PLXDC2: variants seen among roughly 807,000 people sequenced by gnomAD.
PLXDC2 encodes plexin domain-containing protein 2.
A neutral mutation model predicts 68.9 loss-of-function variants in PLXDC2; 40 were observed. That is an observed-to-expected ratio of 0.58 (90% CI 0.45 to 0.76). The LOEUF is 0.76. Among genes scored for constraint, PLXDC2 ranks in the 30% least tolerant of loss-of-function variants. The pLI, the probability that PLXDC2 is intolerant of heterozygous loss-of-function variation, is 0.00. For missense variants in PLXDC2, 644 were observed against 661.9 expected (o/e 0.97, Z 0.30); for synonymous variants, 243 against 234.2 (o/e 1.04, Z -0.34).
At chr10:19,952,034 A>G (rs889070522) in intron 1 of PLXDC2, among the ~76,000 whole-genome samples, 2 of 152,144 alleles carry the variant, frequency 1.3e-5, no homozygotes, top group African/African-American at 2.4e-5. Flanking sequence ...GTGACAAACT[A>G]CTGGGTACTA....
intron 4 of PLXDC2, among the ~76,000 whole-genome samples, chr10:20,139,390 A>G (rs905699616): frequency 6.6e-6 from 1 of 152,248 alleles, no homozygotes; most frequent in African/African-American, 2.4e-5. Context: ...CTTTTCTGCA[A>G]AGGCAGATGA....
chr10:19,826,712 G>A (rs1836577956), intron 1 of PLXDC2, among the ~76,000 whole-genome samples: 1 of 152,000 alleles, frequency 6.6e-6, no homozygotes, highest in African/African-American at 2.4e-5. Flanking sequence ...TTCATAACTT[G>A]GCTTTAAAGT....
chr10:20,073,292 AATCT>A (rs1836368435), intron 4 of PLXDC2, among the ~76,000 whole-genome samples: 1 of 152,176 alleles, frequency 6.6e-6, no homozygotes, highest in East Asian at 1.9e-4. Context: ...ATTTCCTTGA[AATCT>A]ATCTCTCTCC....
intron 1 of PLXDC2, among the ~76,000 whole-genome samples, chr10:19,957,864 G>A (rs1001232119): frequency 1.3e-5 from 2 of 152,094 alleles, no homozygotes; most frequent in Non-Finnish European, 2.9e-5. Context: ...TGCAATGAAA[G>A]TTACTGGGAC....
chr10:20,099,291 C>A (rs985504372), intron 4 of PLXDC2, among the ~76,000 whole-genome samples: 3 of 152,068 alleles, frequency 2.0e-5, no homozygotes, highest in African/African-American at 7.2e-5. Flanking sequence ...TATATTCTTC[C>A]AGCCATACAA....
intron 4 of PLXDC2, among the ~76,000 whole-genome samples, chr10:20,124,546 G>A (rs140973996): frequency 6.6e-6 from 1 of 152,178 alleles, no homozygotes; most frequent in Non-Finnish European, 1.5e-5. Context: ...CTGCGTGTCT[G>A]AGTGAAGAGA....
At chr10:20,008,872 A>C (rs939650567) in intron 2 of PLXDC2, among the ~76,000 whole-genome samples, 2 of 152,182 alleles carry the variant, frequency 1.3e-5, no homozygotes, top group Admixed American at 6.5e-5. Context: ...GCCATGCAAG[A>C]CATGACTTTG....
At chr10:19,995,344 C>G (rs2131632519) in intron 1 of PLXDC2, among the ~76,000 whole-genome samples, 1 of 152,268 alleles carries the variant, frequency 6.6e-6, no homozygotes, top group South Asian at 2.1e-4. Context: ...AGAGTCCTTT[C>G]CACACACGGT....
intron 13 of PLXDC2, among the ~76,000 whole-genome samples, chr10:20,276,798 C>G (rs1836012346): frequency 6.6e-6 from 1 of 152,128 alleles, no homozygotes; most frequent in African/African-American, 2.4e-5. Context: ...CTCAATCATG[C>G]TTGCAAGTTT....
chr10:19,958,138 G>A (rs530449943), intron 1 of PLXDC2, among the ~76,000 whole-genome samples: 1 of 152,050 alleles, frequency 6.6e-6, no homozygotes, highest in African/African-American at 2.4e-5. Flanking sequence ...TTGTTTCTAT[G>A]TATATTGCTG....
rs1564295146 is a variant in PLXDC2, at chr10:20,046,895, A to G, written c.351A>G (p.Ile117Met). The change falls in exon 3 of 14, where the codon ATA (isoleucine) becomes ATG (methionine). Residue 117 changes from isoleucine to methionine, a missense_variant. By Grantham distance (10) the Ile-to-Met change is conservative. Transcript: ENST00000377252. ...AGGATACAGACCACAATTACTATAT[A>G]TCTCGAATATATGGTCCATCTGATT... is the stretch of plus-strand genomic sequence containing the variant. ...IEEDTDHNYY[I>M]SRIYGPSDSA... 3.1e-6 allele frequency: 5 copies of G among 1,611,956 alleles called. No homozygotes were observed. The highest frequency in any genetic ancestry group is 4.2e-6 in the Non-Finnish European group (5 of 1,178,894).
intron 9 of PLXDC2, among the ~76,000 whole-genome samples, chr10:20,206,690 C>T (rs1834997209): frequency 6.6e-6 from 1 of 152,050 alleles, no homozygotes; most frequent in Non-Finnish European, 1.5e-5. Context: ...TGCTGAGTTC[C>T]AATTGCCAGA....
At chr10:20,144,069 C>T (rs903094154) in intron 5 of PLXDC2, among the ~76,000 whole-genome samples, 3 of 151,972 alleles carry the variant, frequency 2.0e-5, no homozygotes, top group Non-Finnish European at 4.4e-5. Context: ...GTCTTGGAGA[C>T]ATAAATGAAT....
chr10:19,915,226 T>C (rs1470154690), intron 1 of PLXDC2, among the ~76,000 whole-genome samples: 1 of 152,158 alleles, frequency 6.6e-6, no homozygotes, highest in Non-Finnish European at 1.5e-5. Flanking sequence ...TTCCTGTGAG[T>C]GATTTGAACA....
At position 20,093,830 on chromosome 10, in the gene PLXDC2, T is replaced by C. The variant is rs564444544; in HGVS notation, c.541+25591T>C. Among the ~76,000 whole-genome samples the C allele has an allele frequency of 2.6e-5, 4 of 152,194 alleles. No individual in the cohort carries two copies. In the East Asian group the frequency reaches 7.8e-4, roughly 30 times the overall value. On this transcript the variant is annotated intron_variant, in intron 4 of 13. Transcript: ENST00000377252. ...CTGGGACCAAAGGTTAGCACCACCATGCCTGGCTAATTTTTTGTATTTTTG... is the reference window on the plus strand; with the variant it reads ...CTGGGACCAAAGGTTAGCACCACCACGCCTGGCTAATTTTTTGTATTTTTG...
At chr10:20,084,703 T>C (rs1184521733) in intron 4 of PLXDC2, among the ~76,000 whole-genome samples, 1 of 152,020 alleles carries the variant, frequency 6.6e-6, no homozygotes, top group Non-Finnish European at 1.5e-5. Flanking sequence ...AAAAAGACAG[T>C]TGTGTTTAAC....
At chr10:20,148,022 G>A in intron 6 of PLXDC2, 120 bp downstream of exon 6, 1 of 705,700 alleles carries the variant, frequency 1.4e-6, no homozygotes. Flanking sequence ...CTTGCCTCTT[G>A]GTTTCCTTTG....
At chr10:19,883,184 G>A (rs926631473) in intron 1 of PLXDC2, among the ~76,000 whole-genome samples, 11 of 151,844 alleles carry the variant, frequency 7.2e-5, no homozygotes, top group Admixed American at 2.0e-4. Flanking sequence ...GGATGGTCTC[G>A]ATCTCCTGAC....
chr10:20,165,359 C>T (rs1364802463), intron 7 of PLXDC2, among the ~76,000 whole-genome samples: 9 of 151,836 alleles, frequency 5.9e-5, no homozygotes, highest in South Asian at 2.1e-4. Context: ...CATGGTGCCA[C>T]GCTGGTGCGC....
Sources: gnomAD v4.1 joint callset for allele counts (sites outside exome capture counted in the v4.1 genomes callset) on GRCh38, gnomAD v4.1.1 for gene constraint, MANE v1.5 for transcripts, NCBI Gene and HGNC (gene_info 2026-07-23, HGNC 2026-07-21) for gene names.